TCF4: variants seen among roughly 807,000 people sequenced by gnomAD.
TCF4 encodes the protein SL3-3 enhancer factor 2.
In TCF4, 3 loss-of-function variants were observed where a neutral mutation model predicts 82.1. The observed-to-expected ratio is 0.04, with a 90% CI of 0.02 to 0.09. TCF4 has a LOEUF of 0.09. Ranked by LOEUF, TCF4 falls within the 10% of genes least tolerant of loss-of-function variation. The pLI, the probability that TCF4 is intolerant of heterozygous loss-of-function variation, is 1.00. For synonymous variants in TCF4, 276 were observed against 309.6 expected (o/e 0.89, Z 1.14); for missense variants, 518 against 852.7 (o/e 0.61, Z 4.89).
chr18:55,387,739 T>C (rs1014809125), intron 6 of TCF4, among the ~76,000 whole-genome samples: 1 of 152,218 alleles, frequency 6.6e-6, no homozygotes, highest in African/African-American at 2.4e-5. Flanking sequence ...CGACACCCTC[T>C]GGCTCTGTGA....
intron 8 of TCF4, among the ~76,000 whole-genome samples, chr18:55,332,675 T>A (rs1029574195): frequency 1.3e-5 from 2 of 152,242 alleles, no homozygotes; most frequent in African/African-American, 4.8e-5. Flanking sequence ...CTGTCCACCT[T>A]CCAGGAGGCG....
At chr18:55,497,316 A>T (rs1401189804) in intron 3 of TCF4, among the ~76,000 whole-genome samples, 2 of 152,230 alleles carry the variant, frequency 1.3e-5, no homozygotes, top group African/African-American at 4.8e-5. Flanking sequence ...ATGAGCTTGA[A>T]TAAGATATAT....
chr18:55,332,721 T>G (rs903869491), intron 8 of TCF4, among the ~76,000 whole-genome samples: 9 of 152,238 alleles, frequency 5.9e-5, no homozygotes, highest in African/African-American at 2.2e-4. Flanking sequence ...TATTTGTGAA[T>G]TTTTCAACCT....
At chr18:55,428,097 C>A (rs748589180) in intron 5 of TCF4, among the ~76,000 whole-genome samples, 1 of 152,120 alleles carries the variant, frequency 6.6e-6, no homozygotes, top group Non-Finnish European at 1.5e-5. Context: ...CATGATTCCA[C>A]CAAGAAAACT....
intron 5 of TCF4, among the ~76,000 whole-genome samples, chr18:55,427,429 C>T (rs1441301008): frequency 6.6e-6 from 1 of 152,066 alleles, no homozygotes; most frequent in African/African-American, 2.4e-5. Context: ...AATGATTTTC[C>T]CCGTGCCAAA....
intron 5 of TCF4, among the ~76,000 whole-genome samples, chr18:55,457,560 A>G (rs1004104921): frequency 2.0e-5 from 3 of 152,198 alleles, no homozygotes; most frequent in African/African-American, 4.8e-5. Context: ...ATGTCAGCCC[A>G]CTGCAACCTC....
intron 6 of TCF4, among the ~76,000 whole-genome samples, chr18:55,381,176 T>C (rs1447073717): frequency 6.6e-6 from 1 of 152,248 alleles, no homozygotes; most frequent in Non-Finnish European, 1.5e-5. Flanking sequence ...CTAAAAATGT[T>C]ATTTACAACA....
intron 3 of TCF4, among the ~76,000 whole-genome samples, chr18:55,556,156 ATT>A (rs34112862): frequency 6.6e-6 from 1 of 151,390 alleles, no homozygotes; most frequent in Non-Finnish European, 1.5e-5. Flanking sequence ...TTTCAGTGTG[ATT>A]TTTTTTTCAA....
At chr18:55,243,506 AGCAG>A (rs1315781626) in intron 15 of TCF4, among the ~76,000 whole-genome samples, 2 of 152,234 alleles carry the variant, frequency 1.3e-5, no homozygotes, top group African/African-American at 4.8e-5. Flanking sequence ...TAAGATCAAA[AGCAG>A]AAGAAAGGAT....
chr18:55,635,730 G>A, exon 1 of TCF4: 1 of 1,550,386 alleles, frequency 6.5e-7, no homozygotes. Flanking sequence ...AGAAGCTCGA[G>A]TAGCAGTTCT....
intron 8 of TCF4, among the ~76,000 whole-genome samples, chr18:55,349,846 A>C (rs2081968003): frequency 6.6e-6 from 1 of 152,174 alleles, no homozygotes; most frequent in African/African-American, 2.4e-5. Context: ...TCTAGTTGTC[A>C]CCTGGTAGTA....
intron 15 of TCF4, among the ~76,000 whole-genome samples, chr18:55,252,544 C>A (rs932874937): frequency 6.6e-6 from 1 of 152,068 alleles, no homozygotes; most frequent in Admixed American, 6.6e-5. Context: ...ACCTCTGAAT[C>A]TGACTCAAAA....
At chr18:55,544,578 G>A (rs948175875) in intron 3 of TCF4, among the ~76,000 whole-genome samples, 1 of 152,058 alleles carries the variant, frequency 6.6e-6, no homozygotes, top group Non-Finnish European at 1.5e-5. Context: ...TCGAAATTCT[G>A]TTTGTCTTCG....
intron 6 of TCF4, among the ~76,000 whole-genome samples, chr18:55,356,478 C>A (rs1209165578): frequency 6.6e-6 from 1 of 152,060 alleles, no homozygotes; most frequent in African/African-American, 2.4e-5. Flanking sequence ...TTCAGTGGCT[C>A]CTTTAATTTT....
intron 2 of TCF4, among the ~76,000 whole-genome samples, chr18:55,628,017 G>A (rs1389742783): frequency 4.6e-5 from 7 of 152,150 alleles, no homozygotes; most frequent in African/African-American, 7.2e-5. Context: ...CCATGATCGC[G>A]CCACTGCACT....
chr18:55,317,026 C>T (rs1369404598), intron 8 of TCF4, among the ~76,000 whole-genome samples: 1 of 151,974 alleles, frequency 6.6e-6, no homozygotes, highest in Non-Finnish European at 1.5e-5. Flanking sequence ...AAAATTTAAT[C>T]AGAGGCAGGA....
intron 5 of TCF4, among the ~76,000 whole-genome samples, chr18:55,437,189 C>T (rs2095347421): frequency 6.6e-6 from 1 of 152,140 alleles, no homozygotes; most frequent in African/African-American, 2.4e-5. Context: ...TTTGGCTTGC[C>T]TTTTTTCTAA....
At position 55,275,786 on chromosome 18, in the gene TCF4, G is replaced by A. The variant is rs1372573029; in HGVS notation, c.656-34C>T. 1.9e-6 allele frequency: 3 copies of A among 1,613,442 alleles called. No individual in the cohort carries two copies. The Admixed American group carries it at 5.0e-5, about 27-fold the overall frequency. The stretch of plus-strand genomic sequence containing the variant: ...GACAAAGACAACCATGACTTTCTGA[G>A]GCATTCAGCCTTGCCTTATAGAATA... On this transcript the variant is annotated intron_variant, in intron 9 of 19. Coordinates refer to ENST00000354452, the MANE Select transcript of TCF4 (RefSeq NM_001083962.2).
intron 10 of TCF4, among the ~76,000 whole-genome samples, chr18:55,274,294 A>G (rs2061018388): frequency 6.6e-6 from 1 of 152,160 alleles, no homozygotes; most frequent in Non-Finnish European, 1.5e-5. Context: ...ATTTACTGGA[A>G]ATGTGCTGAA....
Sources: gnomAD v4.1 joint callset for allele counts (sites outside exome capture counted in the v4.1 genomes callset) on GRCh38, gnomAD v4.1.1 for gene constraint, MANE v1.5 for transcripts, NCBI Gene and HGNC (gene_info 2026-07-23, HGNC 2026-07-21) for gene names.